Variants in SPOCK1 observed in about 807,000 individuals in gnomAD.
SPOCK1 encodes the protein testican-1.
SPOCK1 carries 23 observed loss-of-function variants against 55.3 expected under a neutral mutation model. The ratio of observed to expected loss-of-function variants is 0.42; its 90% CI spans 0.30 to 0.59. The LOEUF is 0.59. SPOCK1 is among the 20% of genes least tolerant of loss of function. SPOCK1 has a pLI of 0.22. For synonymous variants in SPOCK1, 226 were observed against 221.0 expected, an observed-to-expected ratio of 1.02 and a Z score of -0.20; for missense variants, 499 against 552.5, an observed-to-expected ratio of 0.90 and a Z score of 0.97.
At chr5:137,423,100 A>G (rs1752537118) in intron 2 of SPOCK1, among the ~76,000 whole-genome samples, 1 of 152,132 alleles carries the variant, frequency 6.6e-6, no homozygotes, top group African/African-American at 2.4e-5. Context: ...CAGAACAGCA[A>G]ATATTGATGA....
chr5:137,040,878 T>C (rs1384377365), intron 6 of SPOCK1, among the ~76,000 whole-genome samples: 2 of 152,190 alleles, frequency 1.3e-5, no homozygotes, highest in East Asian at 1.9e-4. Flanking sequence ...CCAAGGAAAT[T>C]GTTCCTACTG....
intron 2 of SPOCK1, among the ~76,000 whole-genome samples, chr5:137,486,092 C>G (rs1754049687): frequency 6.6e-6 from 1 of 152,196 alleles, no homozygotes; most frequent in African/African-American, 2.4e-5. Flanking sequence ...CGACCAACAG[C>G]CCTGACAAGG....
chr5:137,161,453 A>G (rs1485271031), intron 3 of SPOCK1, among the ~76,000 whole-genome samples: 1 of 151,996 alleles, frequency 6.6e-6, no homozygotes, highest in Non-Finnish European at 1.5e-5. Flanking sequence ...GCCTGCCAAC[A>G]TGACCCCACA....
chr5:137,254,699 A>C (rs1756600869), intron 3 of SPOCK1, among the ~76,000 whole-genome samples: 1 of 152,258 alleles, frequency 6.6e-6, no homozygotes, highest in South Asian at 2.1e-4. Context: ...ATAGGGAAGA[A>C]TACTGACATT....
intron 2 of SPOCK1, among the ~76,000 whole-genome samples, chr5:137,443,808 G>A (rs1280737297): frequency 2.6e-5 from 4 of 152,068 alleles, no homozygotes; most frequent in Non-Finnish European, 5.9e-5. Context: ...TGGCCTCCAG[G>A]CATGCTCCTG....
intron 2 of SPOCK1, among the ~76,000 whole-genome samples, chr5:137,354,799 C>G (rs563243891): frequency 1.1e-3 from 170 of 152,302 alleles, no homozygotes; most frequent in African/African-American, 3.7e-3. Context: ...AAAGGATTGG[C>G]CCGTAGGAGG....
intron 6 of SPOCK1, among the ~76,000 whole-genome samples, chr5:137,001,388 T>C (rs925649398): frequency 6.6e-6 from 1 of 152,190 alleles, no homozygotes; most frequent in Non-Finnish European, 1.5e-5. Context: ...TCCAGCAAGA[T>C]AGGAATCTCT....
intron 4 of SPOCK1, among the ~76,000 whole-genome samples, chr5:137,119,593 C>T (rs1026154758): frequency 1.1e-4 from 16 of 152,264 alleles, no homozygotes; most frequent in African/African-American, 1.7e-4. Flanking sequence ...AGATCCCAGA[C>T]GTGAAAGCAT....
intron 5 of SPOCK1, among the ~76,000 whole-genome samples, chr5:137,105,965 A>C (rs1366366318): frequency 6.6e-6 from 1 of 152,132 alleles, no homozygotes; most frequent in Non-Finnish European, 1.5e-5. Flanking sequence ...CTCAAGACTC[A>C]CAGTGGTGGC....
At chr5:137,265,688 G>T (rs887627538) in intron 3 of SPOCK1, among the ~76,000 whole-genome samples, 5 of 152,174 alleles carry the variant, frequency 3.3e-5, no homozygotes, top group Non-Finnish European at 5.9e-5. Flanking sequence ...AGGCTGCTAA[G>T]ATATGTATAG....
At chr5:137,419,883 T>A (rs1288426379) in intron 2 of SPOCK1, among the ~76,000 whole-genome samples, 2 of 152,192 alleles carry the variant, frequency 1.3e-5, no homozygotes, top group Non-Finnish European at 2.9e-5. Flanking sequence ...TTGTGCCAGT[T>A]TTCAAAGGGA....
At chr5:137,333,754 CA>C (rs576234404) in intron 2 of SPOCK1, among the ~76,000 whole-genome samples, 101 of 152,324 alleles carry the variant, frequency 6.6e-4, no homozygotes, top group African/African-American at 2.1e-3. Context: ...CGAGAATTTA[CA>C]TTTCTCAGGA....
intron 2 of SPOCK1, among the ~76,000 whole-genome samples, chr5:137,406,785 G>A (rs541760973): frequency 3.6e-4 from 55 of 152,284 alleles, no homozygotes; most frequent in Middle Eastern, 3.4e-3. Context: ...GCTAGTAAAT[G>A]AACCTCACCC....
chr5:137,389,623 T>A (rs144455295), intron 2 of SPOCK1, among the ~76,000 whole-genome samples: 17 of 152,286 alleles, frequency 1.1e-4, no homozygotes, highest in African/African-American at 3.9e-4. Context: ...CACAGTGACA[T>A]CCTCATCTCA....
chr5:137,455,054 T>C (rs1347876025), intron 2 of SPOCK1, among the ~76,000 whole-genome samples: 1 of 152,216 alleles, frequency 6.6e-6, no homozygotes, highest in Non-Finnish European at 1.5e-5. Flanking sequence ...TCCAGATACA[T>C]GTTCAATTCT....
At chr5:137,121,279 G>A (rs1753677457) in intron 4 of SPOCK1, among the ~76,000 whole-genome samples, 1 of 152,004 alleles carries the variant, frequency 6.6e-6, no homozygotes, top group African/African-American at 2.4e-5. Flanking sequence ...TACCTTAACT[G>A]TTTTTGCTCT....
intron 2 of SPOCK1, among the ~76,000 whole-genome samples, chr5:137,417,585 T>C (rs1023838934): frequency 5.9e-5 from 9 of 152,154 alleles, no homozygotes; most frequent in Non-Finnish European, 1.0e-4. Context: ...TCACAATTGA[T>C]AAATGTTACC....
At chr5:137,471,964 G>A (rs1049668693) in intron 2 of SPOCK1, among the ~76,000 whole-genome samples, 1 of 152,190 alleles carries the variant, frequency 6.6e-6, no homozygotes, top group Non-Finnish European at 1.5e-5. Flanking sequence ...GACTGCGCAG[G>A]AGAGGAGAAC....
chr5:137,404,649 A>T (rs1752057254), intron 2 of SPOCK1, among the ~76,000 whole-genome samples: 1 of 150,030 alleles, frequency 6.7e-6, no homozygotes, highest in African/African-American at 2.5e-5. Context: ...CGAACTCCTG[A>T]CCTTGTGATA....
Sources: allele counts gnomAD v4.1 joint callset (sites outside exome capture counted in the v4.1 genomes callset), GRCh38; gene constraint gnomAD v4.1.1; transcripts MANE v1.5; gene names NCBI Gene and HGNC (gene_info 2026-07-23, HGNC 2026-07-21).